KCNIP4: variants seen among roughly 807,000 people sequenced by gnomAD.
The protein encoded by KCNIP4 is Kv channel-interacting protein 4.
Under a neutral mutation model 34.0 loss-of-function variants are expected in KCNIP4, and 12 were observed. That is an observed-to-expected ratio of 0.35 (90% CI 0.23 to 0.57). The LOEUF is 0.57. KCNIP4 is among the 20% of genes least tolerant of loss of function. The pLI, the probability that KCNIP4 is intolerant of heterozygous loss-of-function variation, is 0.83. For missense variants in KCNIP4, 238 were observed against 311.7 expected, an observed-to-expected ratio of 0.76 and a Z score of 1.78; for synonymous variants, 124 against 102.2, an observed-to-expected ratio of 1.21 and a Z score of -1.29.
intron 1 of KCNIP4, among the ~76,000 whole-genome samples, chr4:20,977,679 A>T (rs1402321823): frequency 6.6e-6 from 1 of 152,122 alleles, no homozygotes; most frequent in African/African-American, 2.4e-5. Flanking sequence ...AATTAATGAA[A>T]TTTTCAGTGC....
intron 1 of KCNIP4, among the ~76,000 whole-genome samples, chr4:21,564,224 A>G (rs1739669148): frequency 6.6e-6 from 1 of 152,142 alleles, no homozygotes; most frequent in Non-Finnish European, 1.5e-5. Context: ...TCATTCTTTC[A>G]ACTACACGTT....
intron 1 of KCNIP4, among the ~76,000 whole-genome samples, chr4:21,818,151 C>A (rs887932234): frequency 1.3e-5 from 2 of 152,162 alleles, no homozygotes; most frequent in Non-Finnish European, 2.9e-5. Context: ...AGCAGCCCAG[C>A]TGTAAAATTC....
intron 1 of KCNIP4, among the ~76,000 whole-genome samples, chr4:21,369,602 A>T (rs12513069): frequency 0.6 from 86,395 of 144,646 alleles, 27,908 homozygotes; most frequent in Non-Finnish European, 0.63. Flanking sequence ...GTCTCTAAAA[A>T]TTTTTTTAAA....
intron 1 of KCNIP4, among the ~76,000 whole-genome samples, chr4:21,858,088 C>G (rs541815947): frequency 9.2e-5 from 14 of 152,278 alleles, no homozygotes; most frequent in African/African-American, 3.4e-4. Context: ...GTGGCTGGAC[C>G]CCATGCTCAC....
At chr4:21,304,234 T>C (rs1245300251) in intron 1 of KCNIP4, among the ~76,000 whole-genome samples, 2 of 152,036 alleles carry the variant, frequency 1.3e-5, no homozygotes. Flanking sequence ...AGGCCAGAAG[T>C]AGCAGCCGGA....
intron 1 of KCNIP4, among the ~76,000 whole-genome samples, chr4:21,862,105 T>C (rs1194026455): frequency 6.6e-6 from 1 of 152,144 alleles, no homozygotes; most frequent in East Asian, 1.9e-4. Context: ...TCTCACATCA[T>C]CCAGGACCAA....
intron 1 of KCNIP4, among the ~76,000 whole-genome samples, chr4:21,017,732 G>T (rs564686981): frequency 6.6e-6 from 1 of 152,110 alleles, no homozygotes; most frequent in African/African-American, 2.4e-5. Flanking sequence ...GGGCCAAATC[G>T]TATTTCCAGT....
rs977306011 is a variant in KCNIP4 at position 21,360,283 on chromosome 4, C to A, written c.62-477574G>T. On this transcript the variant is annotated intron_variant, in intron 1 of 8. Transcript: ENST00000382152. ...ATTTTGATAAATTATCCATTATATTCTATTTGTGAATGTATTAGAAAATTA... is the reference window on the plus strand; with the variant it reads ...ATTTTGATAAATTATCCATTATATTATATTTGTGAATGTATTAGAAAATTA... Among the ~76,000 whole-genome samples, 5 of 152,096 alleles carry A rather than the reference C, an allele frequency of 3.3e-5. No homozygotes were observed. The East Asian group carries it at 5.8e-4, about 18-fold the overall frequency.
chr4:20,872,555 G>A (rs1723597651), intron 2 of KCNIP4, among the ~76,000 whole-genome samples: 1 of 152,120 alleles, frequency 6.6e-6, no homozygotes, highest in Non-Finnish European at 1.5e-5. Context: ...TCCCATTTCA[G>A]CAGAAACCAG....
chr4:21,027,964 C>T (rs187701712), intron 1 of KCNIP4, among the ~76,000 whole-genome samples: 4 of 152,160 alleles, frequency 2.6e-5, no homozygotes, highest in East Asian at 3.9e-4. Context: ...ATCGCCACTT[C>T]GATTTCTAAT....
chr4:20,859,657 T>C (rs1199126093), intron 2 of KCNIP4, among the ~76,000 whole-genome samples: 3 of 152,234 alleles, frequency 2.0e-5, no homozygotes, highest in Admixed American at 6.5e-5. Context: ...GTTTTAAAAA[T>C]AGTCATCGTT....
chr4:21,166,823 C>T (rs539918551), intron 1 of KCNIP4, among the ~76,000 whole-genome samples: 7 of 151,306 alleles, frequency 4.6e-5, no homozygotes, highest in African/African-American at 1.2e-4. Context: ...CCTCTAATCC[C>T]AGCTACTTGG....
At chr4:20,790,900 G>A (rs1712669403) in intron 3 of KCNIP4, among the ~76,000 whole-genome samples, 1 of 151,774 alleles carries the variant, frequency 6.6e-6, no homozygotes, top group African/African-American at 2.4e-5. Context: ...AGGAAGAAAA[G>A]AGAGAGAGAG....
intron 1 of KCNIP4, among the ~76,000 whole-genome samples, chr4:21,427,415 A>T (rs1281854828): frequency 2.0e-5 from 3 of 152,122 alleles, no homozygotes; most frequent in Non-Finnish European, 4.4e-5. Context: ...TGACTAATTA[A>T]AAAAGGGACC....
chr4:21,507,628 G>C (rs1733959238), intron 1 of KCNIP4, among the ~76,000 whole-genome samples: 1 of 152,104 alleles, frequency 6.6e-6, no homozygotes, highest in Non-Finnish European at 1.5e-5. Flanking sequence ...TTGTCACTAG[G>C]TGGTGTTGGA....
intron 1 of KCNIP4, among the ~76,000 whole-genome samples, chr4:21,172,176 C>T (rs555698857): frequency 6.6e-6 from 1 of 152,102 alleles, no homozygotes; most frequent in Non-Finnish European, 1.5e-5. Flanking sequence ...TATAGGTATG[C>T]GCCACCATGC....
intron 1 of KCNIP4, among the ~76,000 whole-genome samples, chr4:20,999,438 G>GTTTTTTTTTTTTTTTTTTTTT (rs56952036): frequency 4.4e-5 from 2 of 45,528 alleles, no homozygotes; most frequent in African/African-American, 1.8e-4. Context: ...TTTGTTTTTT[G>GTTTTTTTTTTTTTTTTTTTTT]TTTTTTTTTT....
chr4:21,698,036 CT>C (rs34358099), intron 1 of KCNIP4, among the ~76,000 whole-genome samples: 103,002 of 152,014 alleles, frequency 0.68, 36,400 homozygotes, highest in African/African-American at 0.87. Context: ...AGACAACTCC[CT>C]TGACACAGTG....
intron 3 of KCNIP4, among the ~76,000 whole-genome samples, chr4:20,823,272 G>A (rs544137648): frequency 9.2e-5 from 14 of 152,236 alleles, no homozygotes; most frequent in South Asian, 8.3e-4. Context: ...TGGAATATGG[G>A]AAAAGGCCAA....
Sources: allele counts gnomAD v4.1 joint callset (sites outside exome capture counted in the v4.1 genomes callset), GRCh38; gene constraint gnomAD v4.1.1; transcripts MANE v1.5; gene names NCBI Gene and HGNC (gene_info 2026-07-23, HGNC 2026-07-21).